CEP170: variants seen among roughly 807,000 people sequenced by gnomAD.
The protein encoded by CEP170 is centrosomal protein of 170 kDa.
Under a neutral mutation model 151.9 loss-of-function variants are expected in CEP170, and 21 were observed. The observed-to-expected ratio is 0.14, with a 90% CI of 0.10 to 0.20. The LOEUF is 0.20. CEP170 is among the 10% of genes least tolerant of loss of function. The pLI, the probability that CEP170 is intolerant of heterozygous loss-of-function variation, is 1.00. For synonymous variants in CEP170, 356 were observed against 648.8 expected (o/e 0.55, Z 6.86); for missense variants, 964 against 1,892.9 (o/e 0.51, Z 9.11).
At chr1:243,166,198 A>G in intron 12 of CEP170, 82 bp from the exon 13 acceptor site, 11 of 1,514,730 alleles carry the variant, frequency 7.3e-6, no homozygotes, top group East Asian at 2.4e-5. Flanking sequence ...GTTGTCTGTC[A>G]GTATCCATGA....
At chr1:243,137,750 G>C (rs989603547) in intron 16 of CEP170, among the ~76,000 whole-genome samples, 2 of 150,628 alleles carry the variant, frequency 1.3e-5, no homozygotes, top group Non-Finnish European at 2.9e-5. Flanking sequence ...CCTCCGGCCT[G>C]GTGACAAAGC....
At chr1:243,222,266 T>C (rs929472482) in intron 2 of CEP170, among the ~76,000 whole-genome samples, 3 of 152,140 alleles carry the variant, frequency 2.0e-5, no homozygotes, top group Admixed American at 1.3e-4. Flanking sequence ...AGGGACACAA[T>C]ATGACATGTT....
intron 3 of CEP170, among the ~76,000 whole-genome samples, chr1:243,213,367 T>C (rs879455138): frequency 2.1e-4 from 32 of 152,324 alleles, no homozygotes; most frequent in South Asian, 4.1e-4. Context: ...GGTTTCTTTT[T>C]TCACCTATTA....
chr1:243,247,717 C>T (rs926765648), intron 1 of CEP170, among the ~76,000 whole-genome samples: 8 of 152,102 alleles, frequency 5.3e-5, no homozygotes, highest in African/African-American at 1.4e-4. Context: ...AAATGATGTG[C>T]GAAACTGCCT....
intron 1 of CEP170, among the ~76,000 whole-genome samples, chr1:243,245,903 A>C (rs754526629): frequency 1.0e-3 from 157 of 151,824 alleles, no homozygotes; most frequent in Non-Finnish European, 2.0e-3. Context: ...CCATGAACAC[A>C]CCACTCCACT....
intron 7 of CEP170, among the ~76,000 whole-genome samples, chr1:243,194,712 C>G (rs2060529919): frequency 2.0e-5 from 3 of 151,830 alleles, no homozygotes. Context: ...AGAACACTAA[C>G]AGAACATATT....
chr1:243,129,553 C>T (rs2054126708), intron 17 of CEP170, 100 bp from the exon 18 acceptor site: 3 of 950,840 alleles, frequency 3.2e-6, no homozygotes, highest in Non-Finnish European at 4.4e-6. Flanking sequence ...CAAAGGTACA[C>T]AAAGAAAAAA....
intron 1 of CEP170, among the ~76,000 whole-genome samples, chr1:243,240,271 T>C (rs974791498): frequency 5.9e-5 from 9 of 152,172 alleles, no homozygotes; most frequent in Admixed American, 5.2e-4. Flanking sequence ...GATCACGCCA[T>C]TGCACTCCAG....
Position 243,249,418 on chromosome 1 carries a change from AAAATAAATAAAT to A in CEP170, c.-42+5610_-42+5621del, listed in dbSNP as rs74729358. ...GGGCGACAGAACAAGACTCTGTCTC[AAAATAAATAAAT>A]AAATAAATAAATAAATAAATAAATA... On this transcript the variant is annotated intron_variant, in intron 1 of 19. Transcript: ENST00000366542. Among the ~76,000 whole-genome samples, 632 of 148,418 alleles carry A rather than the reference AAAATAAATAAAT, an allele frequency of 4.3e-3. 6 individuals are homozygous for A. The highest frequency in any genetic ancestry group is 6.4e-3 in the South Asian group (30 of 4,662).
chr1:243,188,298 T>C (rs567261006), intron 8 of CEP170, among the ~76,000 whole-genome samples: 51 of 152,296 alleles, frequency 3.3e-4, no homozygotes, highest in African/African-American at 1.2e-3. Context: ...TCACAGAATT[T>C]AATTGATTCC....
intron 1 of CEP170, among the ~76,000 whole-genome samples, chr1:243,248,086 C>T (rs1296281770): frequency 6.6e-6 from 1 of 152,176 alleles, no homozygotes; most frequent in Non-Finnish European, 1.5e-5. Flanking sequence ...TTGTTCAGGG[C>T]TTTAGATTTA....
intron 17 of CEP170, among the ~76,000 whole-genome samples, chr1:243,134,171 G>C (rs978747393): frequency 6.6e-6 from 1 of 152,142 alleles, no homozygotes; most frequent in Admixed American, 6.5e-5. Context: ...ATCATGTGTA[G>C]ATAGCAGAAA....
At chr1:243,145,507 T>C (rs1301335794) in intron 14 of CEP170, among the ~76,000 whole-genome samples, 4 of 152,256 alleles carry the variant, frequency 2.6e-5, no homozygotes, top group Non-Finnish European at 5.9e-5. Flanking sequence ...TCTCTTGACC[T>C]TGTGATCCGC....
rs2063632114 is a variant in CEP170, at chr1:243,230,373, A to T, written c.-41-5052T>A. 2.6e-5 allele frequency among the ~76,000 whole-genome samples: 4 copies of T among 152,138 alleles called. No homozygotes were observed. The South Asian group carries it at 8.3e-4, about 31-fold the overall frequency. ...AACCAAAAAATAACATAATGAAAATAAAGAAACAACAAAAAAGATTTGACA... is the reference window on the plus strand; with the variant it reads ...AACCAAAAAATAACATAATGAAAATTAAGAAACAACAAAAAAGATTTGACA... On this transcript the variant is annotated intron_variant, in intron 1 of 19. Transcript: ENST00000366542.
intron 13 of CEP170, among the ~76,000 whole-genome samples, chr1:243,157,933 T>C (rs1332913767): frequency 6.6e-6 from 1 of 152,236 alleles, no homozygotes; most frequent in Non-Finnish European, 1.5e-5. Flanking sequence ...AGAAAGTTCA[T>C]GGCTCTCTGT....
chr1:243,211,320 T>G, intron 4 of CEP170: 1 of 152,296 alleles, frequency 6.6e-6, no homozygotes, highest in Non-Finnish European at 1.5e-5. Flanking sequence ...GATTCCTAAT[T>G]TTAAACATAA....
At chr1:243,175,525 AATAT>A (rs2059168494) in intron 10 of CEP170, among the ~76,000 whole-genome samples, 1 of 152,218 alleles carries the variant, frequency 6.6e-6, no homozygotes, top group South Asian at 2.1e-4. Flanking sequence ...TGTGAAAACA[AATAT>A]ATAAAGTTTA....
chr1:243,172,269 A>G (rs2058901405), intron 11 of CEP170, among the ~76,000 whole-genome samples: 1 of 152,230 alleles, frequency 6.6e-6, no homozygotes, highest in South Asian at 2.1e-4. Flanking sequence ...AAATAAATTT[A>G]TAAAAATTTA....
chr1:243,231,054 A>G (rs2063697526), intron 1 of CEP170, among the ~76,000 whole-genome samples: 2 of 151,956 alleles, frequency 1.3e-5, no homozygotes, highest in Admixed American at 1.3e-4. Context: ...CTTCTCAGAA[A>G]CTATGGAGAC....
Sources: allele counts gnomAD v4.1 joint callset (sites outside exome capture counted in the v4.1 genomes callset), GRCh38; gene constraint gnomAD v4.1.1; transcripts MANE v1.5; gene names NCBI Gene and HGNC (gene_info 2026-07-23, HGNC 2026-07-21).